TEX9: variants seen among roughly 807,000 people sequenced by gnomAD.
TEX9 encodes the protein testis expressed 9.
A neutral mutation model predicts 59.6 loss-of-function variants in TEX9; 74 were observed. That is an observed-to-expected ratio of 1.24 (90% CI 1.03 to 1.51). The LOEUF (loss-of-function observed/expected upper bound fraction) is 1.51. TEX9 is among the 40% of genes most tolerant of loss of function. The pLI, the probability that TEX9 is intolerant of heterozygous loss-of-function variation, is 0.00. For missense variants in TEX9, 522 were observed against 447.8 expected (o/e 1.17, Z -1.49); for synonymous variants, 186 against 152.2 (o/e 1.22, Z -1.64).
chr15:56,265,739 G>C (rs571734775), intron 1 of TEX9, among the ~76,000 whole-genome samples: 2 of 151,596 alleles, frequency 1.3e-5, no homozygotes, highest in East Asian at 3.9e-4. Flanking sequence ...ATGTATTGTT[G>C]TTTGTTTTAA....
At chr15:56,451,101 T>G in the TEX9 span, among the ~76,000 whole-genome samples, 1 of 152,244 alleles carries the variant, frequency 6.6e-6, no homozygotes, top group Admixed American at 6.5e-5. Context: ...TTGTAAGAGT[T>G]CTTTATATAT....
At chr15:56,293,622 C>T (rs1473887397) in intron 1 of TEX9, among the ~76,000 whole-genome samples, 2 of 152,136 alleles carry the variant, frequency 1.3e-5, no homozygotes, top group Non-Finnish European at 2.9e-5. Context: ...CTTTGGGCCG[C>T]AGGGTATCAG....
At chr15:56,398,809 C>T (rs1432785533) in intron 9 of TEX9, among the ~76,000 whole-genome samples, 2 of 152,032 alleles carry the variant, frequency 1.3e-5, no homozygotes, top group Non-Finnish European at 2.9e-5. Context: ...TTTTGAGTGC[C>T]ATATGCCAGA....
chr15:56,429,083 T>C (rs769610859), intron 12 of TEX9: 62 of 1,519,292 alleles, frequency 4.1e-5, no homozygotes, highest in Non-Finnish European at 5.3e-5. Flanking sequence ...ATCTATGCTT[T>C]ACCCAATTTT....
chr15:56,443,806 T>C (rs1212269707), intron 12 of TEX9: 1 of 1,611,414 alleles, frequency 6.2e-7, no homozygotes, highest in Admixed American at 1.7e-5. Flanking sequence ...GAAACTCTTC[T>C]ATATACCTTC....
rs1382910271 is a variant in TEX9, at chr15:56,426,589, G to GTGTATATA, written c.964-1015_964-1014insGTATATAT. Among the ~76,000 whole-genome samples, 38 of 24,326 alleles carry GTGTATATA rather than the reference G, an allele frequency of 1.6e-3. 5 individuals carry two copies. The highest frequency in any genetic ancestry group is 5.2e-3 in the Non-Finnish European group (30 of 5,776). 16.0% of individuals were successfully genotyped at this position (24,326 alleles called of 152,430 possible). On this transcript the variant is annotated intron_variant, in intron 10 of 12. Coordinates refer to ENST00000352903, the Ensembl canonical transcript of TEX9. ...TTTTTTTTTTTTTTTTTGAAAAGGT[G>GTGTATATA]TATATATATATATATATATATATAT... is the stretch of plus-strand genomic sequence containing the variant.
intron 1 of TEX9, among the ~76,000 whole-genome samples, chr15:56,324,249 C>T (rs1254983828): frequency 4.0e-5 from 6 of 150,946 alleles, no homozygotes; most frequent in African/African-American, 1.2e-4. Context: ...ATTTTTTATC[C>T]GTTAAAAAAA....
At chr15:56,376,387 C>T (rs1596140134) in intron 3 of TEX9, among the ~76,000 whole-genome samples, 1 of 152,140 alleles carries the variant, frequency 6.6e-6, no homozygotes, top group African/African-American at 2.4e-5. Flanking sequence ...ACTAGGGTTC[C>T]CTTTCTCTAC....
chr15:56,448,032 G>A (rs938125532), downstream of TEX9, among the ~76,000 whole-genome samples: 3 of 152,056 alleles, frequency 2.0e-5, no homozygotes, highest in Admixed American at 6.5e-5. Context: ...CACTCGCATT[G>A]CTTATCTATT....
rs999570780 is a variant in TEX9, at chr15:56,270,563, C to G, written c.-107+26285C>G. On this transcript the variant is annotated intron_variant, in intron 1 of 5. Transcript: ENST00000560827. ...TGTCTCTGCATGTGAATACAGCACA[C>G]TGATGGGTCTTGACTCTTTATCCAA... Among the ~76,000 whole-genome samples, 42 of 152,306 alleles carry G rather than the reference C, an allele frequency of 2.8e-4. 1 individual carries two copies. The highest frequency in any genetic ancestry group is 9.6e-4 in the African/African-American group (40 of 41,574).
At chr15:56,250,042 AAG>A (rs1338396811) in intron 1 of TEX9, among the ~76,000 whole-genome samples, 1 of 152,124 alleles carries the variant, frequency 6.6e-6, no homozygotes, top group Non-Finnish European at 1.5e-5. Context: ...CAGTACTAGG[AAG>A]AGAGGAAAGC....
At chr15:56,427,827 G>A in intron 11 of TEX9, 88 bp downstream of exon 11, 2 of 1,065,466 alleles carry the variant, frequency 1.9e-6, no homozygotes, top group East Asian at 2.9e-5. Flanking sequence ...GTATGTTTTT[G>A]ACATCTTTAC....
chr15:56,378,238 G>A (rs1005425189), intron 3 of TEX9, among the ~76,000 whole-genome samples: 1 of 152,132 alleles, frequency 6.6e-6, no homozygotes, highest in Admixed American at 6.6e-5. Flanking sequence ...CTCATAAAAT[G>A]AGTTTGGAAG....
chr15:56,453,138 T>C, the TEX9 span, among the ~76,000 whole-genome samples: 1 of 152,226 alleles, frequency 6.6e-6, no homozygotes, highest in African/African-American at 2.4e-5. Flanking sequence ...TGCAAGATTC[T>C]TGACTTTAAC....
chr15:56,438,254 C>G (rs149031287), intron 12 of TEX9, among the ~76,000 whole-genome samples: 4,675 of 152,042 alleles, frequency 0.031, 267 homozygotes, highest in African/African-American at 0.11. Flanking sequence ...CATGGTACTG[C>G]TACCAAAACA....
intron 1 of TEX9, among the ~76,000 whole-genome samples, chr15:56,245,398 C>T (rs1447387975): frequency 6.6e-6 from 1 of 152,210 alleles, no homozygotes; most frequent in Non-Finnish European, 1.5e-5. Context: ...CTCCAACTAC[C>T]CATTGCACGA....
intron 10 of TEX9, among the ~76,000 whole-genome samples, chr15:56,424,400 G>A (rs183280505): frequency 5.0e-4 from 76 of 152,222 alleles, no homozygotes; most frequent in African/African-American, 1.4e-3. Flanking sequence ...TTAGTTGCAT[G>A]TAGACAGCAT....
chr15:56,399,386 A>C (rs2048655929), intron 9 of TEX9, among the ~76,000 whole-genome samples: 1 of 151,858 alleles, frequency 6.6e-6, no homozygotes, highest in South Asian at 2.1e-4. Context: ...TCGAACTGCG[A>C]GGTGGCAGCT....
At chr15:56,460,009 A>AAAAAAAAAAATATATATATATATAT in the TEX9 span, among the ~76,000 whole-genome samples, 15 of 26,376 alleles carry the variant, frequency 5.7e-4, 2 homozygotes, top group South Asian at 1.5e-3. Flanking sequence ...AAAAAAAAAA[A>AAAAAAAAAAATATATATATATATAT]ATACATATAT....
Sources: allele counts gnomAD v4.1 joint callset (sites outside exome capture counted in the v4.1 genomes callset), GRCh38; gene constraint gnomAD v4.1.1; transcripts MANE v1.5; gene names NCBI Gene and HGNC (gene_info 2026-07-23, HGNC 2026-07-21).